The following PHLPP1 variants were observed in gnomAD, a reference collection of about 807,000 sequenced individuals.
PHLPP1 encodes PH domain leucine-rich repeat-containing protein phosphatase 1.
A neutral mutation model predicts 117.2 loss-of-function variants in PHLPP1; 42 were observed. The observed-to-expected ratio is 0.36, with a 90% CI of 0.28 to 0.46. The LOEUF (loss-of-function observed/expected upper bound fraction) is 0.46, where lower values mean the gene tolerates loss of function less well. Ranked by LOEUF, PHLPP1 falls within the 20% of genes least tolerant of loss-of-function variation. The pLI is 1.00. For missense variants in PHLPP1, 2,084 were observed against 2,241.9 expected (o/e 0.93, Z 1.42); for synonymous variants, 1,042 against 970.7 (o/e 1.07, Z -1.37).
chr18:62,776,935 A>C (rs1327163401), intron 1 of PHLPP1, among the ~76,000 whole-genome samples: 2 of 152,186 alleles, frequency 1.3e-5, no homozygotes, highest in Non-Finnish European at 2.9e-5. Context: ...TTGTATGAAT[A>C]CATGACAGTT....
intron 1 of PHLPP1, among the ~76,000 whole-genome samples, chr18:62,752,393 C>T (rs1036498105): frequency 6.6e-6 from 1 of 152,228 alleles, no homozygotes; most frequent in African/African-American, 2.4e-5. Context: ...GAATGCTTTT[C>T]TCTTCTGCAT....
chr18:62,972,684 T>G lies in PHLPP1; in HGVS notation c.3731T>G (p.Val1244Gly). The change falls in exon 15 of 17, where the codon GTC becomes GGC. Residue 1244 changes from valine (V) to glycine (G), a missense_variant. Coordinates refer to ENST00000262719, the MANE Select transcript of PHLPP1 (RefSeq NM_194449.4). ...ACAAAAAACGAAGAAGAATACATGG[T>G]CAATACATTCATTGTCATGCAAAGG... ...QKTKNEEEYM[V>G]NTFIVMQRKL... 3.7e-6 allele frequency: 6 copies of G among 1,612,868 alleles called. No individual in the cohort carries two copies. The highest frequency in any genetic ancestry group is 1.3e-5 in the African/African-American group (1 of 75,016).
chr18:62,893,216 TG>T (rs1897808379), intron 4 of PHLPP1, among the ~76,000 whole-genome samples: 1 of 152,050 alleles, frequency 6.6e-6, no homozygotes. Context: ...TAATTTTTTT[TG>T]TATTTTTAGT....
chr18:62,860,343 C>A, intron 3 of PHLPP1, 92 bp from the exon 4 acceptor site: 1 of 1,033,790 alleles, frequency 9.7e-7, no homozygotes. Flanking sequence ...CATAGAATAT[C>A]TGTTCCAAAT....
At chr18:62,898,582 G>A (rs899897466) in intron 6 of PHLPP1, among the ~76,000 whole-genome samples, 3 of 152,094 alleles carry the variant, frequency 2.0e-5, no homozygotes, top group African/African-American at 7.2e-5. Context: ...GTCATTTGAG[G>A]ATGAGGCTCT....
intron 1 of PHLPP1, chr18:62,826,225 G>T (rs1184790711): frequency 2.4e-6 from 1 of 412,828 alleles, no homozygotes; most frequent in South Asian, 1.8e-5. Context: ...GACATGAAAA[G>T]ATTGAACTAG....
At chr18:62,952,744 G>A (rs8096881) in intron 12 of PHLPP1, among the ~76,000 whole-genome samples, 8,337 of 152,082 alleles carry the variant, frequency 0.055, 723 homozygotes, top group African/African-American at 0.19. Flanking sequence ...CTCCCACCTC[G>A]GCTTCCTGAG....
intron 1 of PHLPP1, among the ~76,000 whole-genome samples, chr18:62,736,809 G>A (rs1300807965): frequency 6.6e-6 from 1 of 152,020 alleles, no homozygotes; most frequent in Non-Finnish European, 1.5e-5. Context: ...ACTTTCTACT[G>A]GTTACCATAT....
At chr18:62,833,733 A>G (rs541851565) in intron 2 of PHLPP1, among the ~76,000 whole-genome samples, 4 of 152,164 alleles carry the variant, frequency 2.6e-5, no homozygotes, top group African/African-American at 9.7e-5. Context: ...TCATTTCTCT[A>G]TAATGTCTAC....
chr18:62,779,340 A>G (rs529205125), intron 1 of PHLPP1: 1 of 151,796 alleles, frequency 6.6e-6, no homozygotes, highest in African/African-American at 2.4e-5. Flanking sequence ...CTAGTCACCT[A>G]TTCCATTACA....
intron 12 of PHLPP1, among the ~76,000 whole-genome samples, chr18:62,951,343 C>G (rs959158925): frequency 2.6e-5 from 4 of 152,318 alleles, no homozygotes; most frequent in African/African-American, 9.6e-5. Context: ...TTTCTAAATT[C>G]AAAGCCATGC....
chr18:62,761,532 C>G (rs1912233981), intron 1 of PHLPP1, among the ~76,000 whole-genome samples: 2 of 152,030 alleles, frequency 1.3e-5, no homozygotes, highest in Non-Finnish European at 2.9e-5. Context: ...ACTTGGGAGG[C>G]TGAGGCATGA....
At chr18:62,764,946 A>G (rs1912416788) in intron 1 of PHLPP1, among the ~76,000 whole-genome samples, 1 of 152,080 alleles carries the variant, frequency 6.6e-6, no homozygotes, top group African/African-American at 2.4e-5. Context: ...GTTCTTTTCC[A>G]GTGTCATTGG....
At chr18:62,784,375 TAGAA>T (rs1913215751) in intron 1 of PHLPP1, among the ~76,000 whole-genome samples, 2 of 152,304 alleles carry the variant, frequency 1.3e-5, no homozygotes, top group East Asian at 1.9e-4. Context: ...CAAAGGCTAA[TAGAA>T]AGAAAGCAGG....
intron 1 of PHLPP1, among the ~76,000 whole-genome samples, chr18:62,792,868 C>CAAAAAAAAAAAAA (rs71160870): frequency 6.3e-4 from 36 of 56,846 alleles, no homozygotes; most frequent in African/African-American, 2.7e-3. Context: ...GCCTCTGTCT[C>CAAAAAAAAAAAAA]AAAAAAAAAA....
At chr18:62,774,759 A>G (rs1286529808) in intron 1 of PHLPP1, among the ~76,000 whole-genome samples, 1 of 152,146 alleles carries the variant, frequency 6.6e-6, no homozygotes, top group Non-Finnish European at 1.5e-5. Flanking sequence ...CTTTCTGGCT[A>G]TAAAAGTGTT....
chr18:62,926,948 A>C (rs985900340), intron 10 of PHLPP1, among the ~76,000 whole-genome samples: 2 of 152,226 alleles, frequency 1.3e-5, no homozygotes, highest in Non-Finnish European at 2.9e-5. Context: ...CGGCAGATTC[A>C]GAAAAACTGG....
intron 3 of PHLPP1, among the ~76,000 whole-genome samples, chr18:62,856,470 C>T (rs1260715558): frequency 2.0e-5 from 3 of 152,176 alleles, no homozygotes; most frequent in Non-Finnish European, 4.4e-5. Flanking sequence ...CTGTATTGCC[C>T]AGGCTGGAGT....
chr18:62,848,000 C>T (rs1242337161), intron 3 of PHLPP1, among the ~76,000 whole-genome samples: 1 of 152,254 alleles, frequency 6.6e-6, no homozygotes, highest in Non-Finnish European at 1.5e-5. Flanking sequence ...GCCCTGTCTG[C>T]TCCTTAGCAG....
Sources: allele counts gnomAD v4.1 joint callset (sites outside exome capture counted in the v4.1 genomes callset), GRCh38; gene constraint gnomAD v4.1.1; transcripts MANE v1.5; gene names NCBI Gene and HGNC (gene_info 2026-07-23, HGNC 2026-07-21).